CTNNBL1: variants seen among roughly 807,000 people sequenced by gnomAD.
CTNNBL1 encodes catenin beta like 1.
Under a neutral mutation model 72.7 loss-of-function variants are expected in CTNNBL1, and 31 were observed. That is an observed-to-expected ratio of 0.43 (90% CI 0.32 to 0.58). CTNNBL1 has a LOEUF of 0.58. CTNNBL1 is among the 20% of genes least tolerant of loss of function. CTNNBL1 has a pLI of 0.08. For missense variants in CTNNBL1, 534 were observed against 725.1 expected, an observed-to-expected ratio of 0.74 and a Z score of 3.03; for synonymous variants, 240 against 267.3, an observed-to-expected ratio of 0.90 and a Z score of 1.00.
rs569872592 is a variant in CTNNBL1 at position 37,788,173 on chromosome 20, A to C, written c.1031+8838A>C. ...TAAGTTTTGAAGGTTGGGTGCTAGCATCCTTTGCTGCCTCTGTCAGAGCAC... is the reference window on the plus strand; with the variant it reads ...TAAGTTTTGAAGGTTGGGTGCTAGCCTCCTTTGCTGCCTCTGTCAGAGCAC... On this transcript the variant is annotated intron_variant, in intron 10 of 15. Coordinates refer to ENST00000361383, the MANE Select transcript of CTNNBL1 (RefSeq NM_030877.5). Among the ~76,000 whole-genome samples the C allele has an allele frequency of 3.9e-5, 6 of 152,246 alleles. No homozygotes were observed. In the South Asian group the frequency reaches 1.2e-3, roughly 32 times the overall value.
At chr20:37,813,050 G>A (rs2072026191) in intron 11 of CTNNBL1, among the ~76,000 whole-genome samples, 1 of 152,134 alleles carries the variant, frequency 6.6e-6, no homozygotes, top group African/African-American at 2.4e-5. Flanking sequence ...AAACTGCAGT[G>A]AGCCTTAAAC....
At chr20:37,733,151 T>G in intron 2 of CTNNBL1, 84 bp downstream of exon 2, 1 of 1,179,510 alleles carries the variant, frequency 8.5e-7, no homozygotes, top group Non-Finnish European at 1.2e-6. Flanking sequence ...TTGTCTGAGC[T>G]TCCCATCTTC....
intron 7 of CTNNBL1, among the ~76,000 whole-genome samples, chr20:37,768,331 C>T (rs1397758935): frequency 1.3e-5 from 2 of 152,200 alleles, no homozygotes; most frequent in African/African-American, 4.8e-5. Context: ...AGTTCCACTT[C>T]TCAGAGGCAG....
intron 11 of CTNNBL1, among the ~76,000 whole-genome samples, chr20:37,820,081 T>C (rs2072092786): frequency 6.6e-6 from 1 of 151,910 alleles, no homozygotes; most frequent in Non-Finnish European, 1.5e-5. Flanking sequence ...TTCAGCATAT[T>C]GGCCAGGCTG....
At chr20:37,807,915 A>G (rs978956996) in intron 11 of CTNNBL1, among the ~76,000 whole-genome samples, 10 of 152,234 alleles carry the variant, frequency 6.6e-5, no homozygotes, top group Admixed American at 1.3e-4. Flanking sequence ...GGTGGGATCC[A>G]GAAATGGCAT....
chr20:37,704,021 C>A (rs767076802), intron 1 of CTNNBL1, among the ~76,000 whole-genome samples: 2 of 152,168 alleles, frequency 1.3e-5, no homozygotes, highest in African/African-American at 2.4e-5. Flanking sequence ...AGGTGATCCA[C>A]CTGTCTCGAC....
At chr20:37,706,352 TAG>T (rs1277305343) in intron 1 of CTNNBL1, among the ~76,000 whole-genome samples, 1 of 152,270 alleles carries the variant, frequency 6.6e-6, no homozygotes, top group African/African-American at 2.4e-5. Context: ...TTTTCAGAAT[TAG>T]AGTCAGTTCT....
At chr20:37,840,364 C>T (rs940553156) in intron 12 of CTNNBL1, among the ~76,000 whole-genome samples, 165 bp downstream of exon 12, 44 of 152,310 alleles carry the variant, frequency 2.9e-4, no homozygotes, top group African/African-American at 1.0e-3. Flanking sequence ...GGTTATTCTG[C>T]TTTTCATCTC....
rs1254747154 is a variant in CTNNBL1 at position 37,746,454 on chromosome 20, G to T, written c.327-14G>T. ...GCCCCTTTCCTTCTAATGATGTCTT[G>T]TTTTCCCTCCTAGGTTCATGGAATC... On this transcript the variant is annotated splice_polypyrimidine_tract_variant and intron_variant, in intron 3 of 15. Coordinates refer to ENST00000361383, the MANE Select transcript of CTNNBL1 (RefSeq NM_030877.5). The T allele has an allele frequency of 6.2e-7, 1 of 1,608,778 alleles. No homozygotes were observed. Among genetic ancestry groups the T allele is most frequent in the Non-Finnish European group, 8.5e-7 (1 of 1,176,510 alleles).
At chr20:37,832,846 C>G (rs757085626) in intron 11 of CTNNBL1, among the ~76,000 whole-genome samples, 5 of 150,908 alleles carry the variant, frequency 3.3e-5, no homozygotes, top group Admixed American at 6.6e-5. Context: ...CCATTCTTCA[C>G]AAAAATGGTG....
intron 7 of CTNNBL1, among the ~76,000 whole-genome samples, chr20:37,773,908 T>TC (rs2073549515): frequency 7.2e-6 from 1 of 139,132 alleles, no homozygotes; most frequent in Non-Finnish European, 1.5e-5. Context: ...TTTCTTTCTC[T>TC]CTTTTTTTTT....
At chr20:37,852,624 G>C (rs968199599) in intron 13 of CTNNBL1, among the ~76,000 whole-genome samples, 9 of 152,178 alleles carry the variant, frequency 5.9e-5, no homozygotes, top group African/African-American at 2.2e-4. Flanking sequence ...AAGCCAAAAG[G>C]ACCTTCAAGA....
chr20:37,731,703 T>A (rs6012941), intron 1 of CTNNBL1, among the ~76,000 whole-genome samples: 23,571 of 152,186 alleles, frequency 0.15, 3,411 homozygotes, highest in African/African-American at 0.38. Flanking sequence ...TATTTCACTT[T>A]GCTTAATGTC....
chr20:37,811,171 T>C (rs2072009285), intron 11 of CTNNBL1, among the ~76,000 whole-genome samples: 1 of 152,170 alleles, frequency 6.6e-6, no homozygotes, highest in Admixed American at 6.5e-5. Context: ...CTATGTGGAA[T>C]ACAAGATAAA....
intron 1 of CTNNBL1, among the ~76,000 whole-genome samples, chr20:37,694,381 G>T (rs1257492413): frequency 6.6e-6 from 1 of 152,096 alleles, no homozygotes; most frequent in Non-Finnish European, 1.5e-5. Flanking sequence ...TCCTCACCCT[G>T]GGGCCTGGTT....
intron 13 of CTNNBL1, among the ~76,000 whole-genome samples, chr20:37,848,986 A>T (rs1368502294): frequency 6.6e-6 from 1 of 152,150 alleles, no homozygotes; most frequent in Admixed American, 6.5e-5. Context: ...CCTACTGCCC[A>T]TATTAGGGCA....
At chr20:37,771,745 T>G (rs2073526462) in intron 7 of CTNNBL1, among the ~76,000 whole-genome samples, 1 of 152,190 alleles carries the variant, frequency 6.6e-6, no homozygotes, top group Non-Finnish European at 1.5e-5. Context: ...ATCTTCTGTG[T>G]AGCCTCTATC....
intron 13 of CTNNBL1, among the ~76,000 whole-genome samples, chr20:37,853,106 G>A (rs538861937): frequency 1.5e-4 from 23 of 152,186 alleles, no homozygotes; most frequent in Admixed American, 2.6e-4. Context: ...TTTAGAATGG[G>A]ATATTTGTAA....
At chr20:37,864,526 G>A (rs1044863785) in intron 15 of CTNNBL1, among the ~76,000 whole-genome samples, 3 of 152,072 alleles carry the variant, frequency 2.0e-5, no homozygotes, top group African/African-American at 4.8e-5. Context: ...TGCCAAGAGC[G>A]CAGGGAATAA....
Sources: gnomAD v4.1 joint callset for allele counts (sites outside exome capture counted in the v4.1 genomes callset) on GRCh38, gnomAD v4.1.1 for gene constraint, MANE v1.5 for transcripts, NCBI Gene and HGNC (gene_info 2026-07-23, HGNC 2026-07-21) for gene names.